Variants in BICRA observed in about 807,000 individuals in gnomAD.
The protein encoded by BICRA is BRD4 interacting chromatin remodeling complex associated protein, also known as BRD4-interacting chromatin-remodeling complex-associated protein.
BICRA carries 31 observed loss-of-function variants against 96.9 expected under a neutral mutation model. The observed-to-expected ratio is 0.32, with a 90% confidence interval of 0.24 to 0.43. The LOEUF is 0.43. Among genes scored for constraint, BICRA ranks in the 20% least tolerant of loss-of-function variants. The pLI is 1.00. For missense variants in BICRA, 2,283 were observed against 2,190.3 expected, an observed-to-expected ratio of 1.04 and a Z score of -0.84; for synonymous variants, 1,350 against 1,071.8, an observed-to-expected ratio of 1.26 and a Z score of -5.07.
chr19:47,611,098 G>A (rs1360287796), intron 1 of BICRA, among the ~76,000 whole-genome samples: 1 of 152,030 alleles, frequency 6.6e-6, no homozygotes, highest in Non-Finnish European at 1.5e-5. Context: ...AGCTTGCCCA[G>A]GGTCACACAG....
In BICRA at chr19:47,702,286, G is replaced by A. The variant is rs779456171; in HGVS notation, c.4554G>A (p.Thr1518=). Residue 1518 remains threonine, a synonymous_variant, in exon 15 of 15, where the codon ACG becomes ACA. Coordinates refer to ENST00000594866, the MANE Select transcript of BICRA (RefSeq NM_001394372.1). The stretch of plus-strand genomic sequence containing the variant: ...ACCTGCAGCAGGCCCCCGGCCGGAC[G>A]CCCGCGCCCTCGTACCCCCACGCTG... ...ILNLQQAPGR[T]PAPSYPHAAS... is the part of the protein sequence containing the mutation. 1.3e-6 allele frequency: 2 copies of A among 1,592,818 alleles called. No individual in the cohort carries two copies. Among genetic ancestry groups the A allele is most frequent in the South Asian group, 1.1e-5 (1 of 90,114 alleles).
At chr19:47,611,148 G>C (rs1389377848) in intron 1 of BICRA, among the ~76,000 whole-genome samples, 1 of 152,174 alleles carries the variant, frequency 6.6e-6, no homozygotes, top group African/African-American at 2.4e-5. Flanking sequence ...ACCTCCTGGA[G>C]TTTTTCCAGC....
intron 9 of BICRA, 67 bp downstream of exon 9, chr19:47,695,147 G>A: frequency 9.5e-7 from 1 of 1,055,628 alleles, no homozygotes; most frequent in East Asian, 2.6e-5. Flanking sequence ...GGGCTGAGCA[G>A]GGAGAATGGG....
rs1973488824 is a variant in BICRA, at chr19:47,702,749, C to T, written c.*334C>T. The T allele has an allele frequency of 2.8e-6, 1 of 351,032 alleles. No homozygotes were observed. Among genetic ancestry groups the T allele is most frequent in the Non-Finnish European group, 5.1e-6 (1 of 194,464 alleles). 21.7% of individuals were successfully genotyped at this position (351,032 alleles called of 1,614,324 possible). On this transcript the variant is annotated 3_prime_UTR_variant, in exon 15 of 15. Coordinates refer to ENST00000594866, the MANE Select transcript of BICRA (RefSeq NM_001394372.1). ...CGCATGTGTTTGCCAGGGATGGGGC[C>T]ACCGGGTTGATGCCAACGCTCCGGG...
rs1223495189 is a variant in BICRA, at chr19:47,665,151, G to A, written c.-107-5292G>A. On this transcript the variant is annotated intron_variant, in intron 1 of 14. Coordinates refer to ENST00000594866, the MANE Select transcript of BICRA (RefSeq NM_001394372.1). ...ACCACCAGCTGTGCTCCCCAAGCCA[G>A]GGATGGGGTCTGCCTCTGCCCTTTT... Among the ~76,000 whole-genome samples, 5 of 150,892 alleles carry A rather than the reference G, an allele frequency of 3.3e-5. No homozygotes were observed. The South Asian group carries it at 6.3e-4, about 19-fold the overall frequency.
chr19:47,647,632 C>T (rs1045532767), intron 1 of BICRA, among the ~76,000 whole-genome samples: 11 of 151,978 alleles, frequency 7.2e-5, no homozygotes, highest in Non-Finnish European at 1.3e-4. Context: ...TGTGTGTGGC[C>T]CACGTTGCAT....
chr19:47,609,595 G>A (rs1402625449), intron 1 of BICRA, among the ~76,000 whole-genome samples: 1 of 151,558 alleles, frequency 6.6e-6, no homozygotes, highest in Non-Finnish European at 1.5e-5. Flanking sequence ...TTCCACGGGG[G>A]GAGGGGCGCG....
In BICRA at chr19:47,701,439, C is replaced by T; in HGVS notation, c.3707C>T (p.Thr1236Ile). The stretch of plus-strand genomic sequence containing the variant: ...TCGTCTTCAGCTCCCGGGGCCTCCA[C>T]CCAGCCCCCTCCACACCTGCCCACC... ...PLSSSAPGAS[T>I]QPPPHLPTKL... is the part of the protein sequence containing the mutation. The change falls in exon 15 of 15, where the codon ACC (threonine) becomes ATC (isoleucine). Residue 1236 changes from threonine to isoleucine, a missense_variant. Transcript: ENST00000594866. This position sits in a 1 kb window ranked among gnomAD's most constrained non-coding sequence, Gnocchi z 5.4. The T allele has an allele frequency of 1.3e-6, 2 of 1,574,782 alleles. No individual in the cohort carries two copies. The highest frequency in any genetic ancestry group is 1.4e-5 in the African/African-American group (1 of 73,954).
intron 1 of BICRA, among the ~76,000 whole-genome samples, chr19:47,658,819 C>T (rs879174405): frequency 6.6e-6 from 1 of 152,092 alleles, no homozygotes; most frequent in Non-Finnish European, 1.5e-5. Flanking sequence ...CAAACCCGTG[C>T]GCACGTCTTG....
chr19:47,676,603 C>T (rs866702500), intron 5 of BICRA, among the ~76,000 whole-genome samples: 17 of 131,636 alleles, frequency 1.3e-4, no homozygotes, highest in Middle Eastern at 7.5e-3. Context: ...CTCCTTCCCC[C>T]CCTCACCCTC....
At chr19:47,660,051 A>G (rs1470047880) in intron 1 of BICRA, among the ~76,000 whole-genome samples, 1 of 152,202 alleles carries the variant, frequency 6.6e-6, no homozygotes, top group African/African-American at 2.4e-5. Context: ...TTGTCGCTGT[A>G]ACAAATACCA....
chr19:47,694,443 G>T lies in BICRA; in HGVS notation c.2612G>T (p.Gly871Val). ...PLRPQSQPPE[G>V]PLPPAPHLPP... ...CGCCCCCAGTCCCAGCCGCCTGAGGGACCGCTGCCCCCAGCCCCCCACCTC... is the reference window on the plus strand; with the variant it reads ...CGCCCCCAGTCCCAGCCGCCTGAGGTACCGCTGCCCCCAGCCCCCCACCTC... Residue 871 changes from glycine to valine, a missense_variant, in exon 8 of 15, where the codon GGA (glycine) becomes GTA (valine). Physicochemically the swap from Gly to Val is moderately radical, Grantham distance 109 (BLOSUM62 -3). Coordinates refer to ENST00000594866, the MANE Select transcript of BICRA (RefSeq NM_001394372.1). The T allele has an allele frequency of 9.0e-7, 1 of 1,112,344 alleles. No individual in the cohort carries two copies. The highest frequency in any genetic ancestry group is 1.3e-6 in the Non-Finnish European group (1 of 742,288). The allele number at this position is 1,112,344 out of a possible 1,614,324, so 68.9% of individuals were successfully genotyped here.
rs561749149 is a variant in BICRA at position 47,616,621 on chromosome 19, A to G, written c.-108+7453A>G. Among the ~76,000 whole-genome samples the G allele has an allele frequency of 9.2e-5, 14 of 151,616 alleles. No homozygotes were observed. In the East Asian group the frequency reaches 2.6e-3, roughly 28 times the overall value. On this transcript the variant is annotated intron_variant, in intron 1 of 14. Coordinates refer to ENST00000594866, the MANE Select transcript of BICRA (RefSeq NM_001394372.1). ...ACGATTGCACTCCAGCCAGGGCGAC[A>G]GAGCAAGACTCTGTCTCAAAAAAAA...
At chr19:47,633,100 T>G (rs1972245855) in intron 1 of BICRA, among the ~76,000 whole-genome samples, 1 of 119,942 alleles carries the variant, frequency 8.3e-6, no homozygotes, top group Admixed American at 8.6e-5. Context: ...TTTTTTTTTT[T>G]GAGACAGTCT....
chr19:47,625,697 G>T (rs1972129794), intron 1 of BICRA, among the ~76,000 whole-genome samples: 1 of 152,164 alleles, frequency 6.6e-6, no homozygotes. Flanking sequence ...GCCTGGAGGA[G>T]GTGGTACTGG....
intron 7 of BICRA, among the ~76,000 whole-genome samples, chr19:47,690,414 C>G (rs1218849446): frequency 6.6e-6 from 1 of 152,146 alleles, no homozygotes; most frequent in Non-Finnish European, 1.5e-5. Flanking sequence ...TGCTGAATTG[C>G]GTTCCTCTTG....
At chr19:47,688,813 T>G (rs76314925) in intron 7 of BICRA, among the ~76,000 whole-genome samples, 3 of 151,958 alleles carry the variant, frequency 2.0e-5, no homozygotes, top group South Asian at 2.1e-4. Context: ...AATTTTTTTT[T>G]CTTTGTTTTG....
At position 47,636,004 on chromosome 19, in the gene BICRA, C is replaced by T. The variant is rs563595929; in HGVS notation, c.-108+26836C>T. On this transcript the variant is annotated intron_variant, in intron 1 of 14. Transcript: ENST00000594866. The stretch of plus-strand genomic sequence containing the variant: ...TTCAGTGTACACAAACTTTTTCATG[C>T]GCAAAATTATTAAAATTATTTTATA... Among the ~76,000 whole-genome samples, 40 of 152,166 alleles carry T rather than the reference C, an allele frequency of 2.6e-4. 1 individual carries two copies. The highest frequency in any genetic ancestry group is 3.9e-4 in the East Asian group (2 of 5,186).
chr19:47,670,944 G>A (rs772178485), intron 2 of BICRA, among the ~76,000 whole-genome samples: 9 of 152,184 alleles, frequency 5.9e-5, no homozygotes, highest in Admixed American at 2.6e-4. Flanking sequence ...CTAAGGCAGC[G>A]AGAGCCCGGG....
Sources: gnomAD v4.1 joint callset for allele counts (sites outside exome capture counted in the v4.1 genomes callset) on GRCh38, gnomAD v4.1.1 for gene constraint, Gnocchi (gnomAD v3.1) non-coding constraint, MANE v1.5 for transcripts, NCBI Gene and HGNC (gene_info 2026-07-23, HGNC 2026-07-21) for gene names.